The following CELSR1 variants were observed in gnomAD, a reference collection of about 807,000 sequenced individuals.
CELSR1 encodes the protein adhesion G protein-coupled receptor C1.
A neutral mutation model predicts 249.1 loss-of-function variants in CELSR1; 110 were observed. That is an observed-to-expected ratio of 0.44 (90% CI 0.38 to 0.52). CELSR1 has a LOEUF of 0.52. Among genes scored for constraint, CELSR1 ranks in the 20% least tolerant of loss-of-function variants. The probability of loss-of-function intolerance (pLI) is 0.00; values close to 1 mark genes in which losing one functional copy is unlikely to be tolerated. For synonymous variants in CELSR1, 2,113 were observed against 1,900.0 expected (o/e 1.11, Z -2.92); for missense variants, 4,109 against 4,296.4 (o/e 0.96, Z 1.22).
At chr22:46,435,284 T>G (rs1184024140) in intron 4 of CELSR1, among the ~76,000 whole-genome samples, 1 of 144,610 alleles carries the variant, frequency 6.9e-6, no homozygotes. Flanking sequence ...AAAAAATTTT[T>G]TTTTTTTTTT....
chr22:46,369,895 G>A lies in CELSR1; in HGVS notation c.7760-91C>T, dbSNP rs766826118. On this transcript the variant is annotated intron_variant, in intron 25 of 34. Coordinates refer to ENST00000674500, the MANE Select transcript of CELSR1 (RefSeq NM_001378328.1). ...ACCAGCCAGGGTGGGGTGAAATGGGGGACTCAGCATCTCCCTTCTCAGAGG... is the reference window on the plus strand; with the variant it reads ...ACCAGCCAGGGTGGGGTGAAATGGGAGACTCAGCATCTCCCTTCTCAGAGG... 19 of 1,063,620 alleles carry A rather than the reference G, an allele frequency of 1.8e-5. No homozygotes were observed. The African/African-American group carries it at 2.6e-4, about 15-fold the overall frequency. 65.9% of individuals were successfully genotyped at this position (1,063,620 alleles called of 1,614,324 possible). A position where few individuals can be genotyped will look rare whatever the true frequency, so the allele number is the denominator to read the frequency against.
At chr22:46,384,482 C>T in intron 20 of CELSR1, 61 bp downstream of exon 20, 2 of 1,517,086 alleles carry the variant, frequency 1.3e-6, no homozygotes, top group Non-Finnish European at 8.9e-7. Flanking sequence ...CGCAGCGGGG[C>T]CCTCCCCTCC....
In CELSR1 at chr22:46,436,350, G is replaced by T; in HGVS notation, c.4407-61C>A. 1 of 1,305,332 alleles carries T rather than the reference G, an allele frequency of 7.7e-7. No individual in the cohort carries two copies. Among genetic ancestry groups the T allele is most frequent in the Non-Finnish European group, 1.1e-6 (1 of 907,988 alleles). The allele number at this position is 1,305,332 out of a possible 1,614,324, so 80.9% of individuals were successfully genotyped here. On this transcript the variant is annotated intron_variant, in intron 3 of 34. Coordinates refer to ENST00000674500, the MANE Select transcript of CELSR1 (RefSeq NM_001378328.1). The surrounding 1 kb of genome is among the most constrained non-coding windows in gnomAD (Gnocchi z 5.9). The stretch of plus-strand genomic sequence containing the variant: ...GACCCCAGGGTCCAAAGGCTGCCTA[G>T]GAATGACAAGTCCAGCCGGAGGAGG...
intron 3 of CELSR1, 152 bp downstream of exon 3, chr22:46,439,037 C>A: frequency 1.4e-6 from 1 of 739,504 alleles, no homozygotes; most frequent in Non-Finnish European, 2.2e-6. Context: ...GGATTACAGG[C>A]GTGAGCCACC....
At chr22:46,383,708 T>C (rs1348021818) in intron 20 of CELSR1, among the ~76,000 whole-genome samples, 1 of 151,964 alleles carries the variant, frequency 6.6e-6, no homozygotes. Flanking sequence ...AAAAAACTTC[T>C]TTAGTAGAGA....
Position 46,396,433 on chromosome 22 carries a change from TA to T in CELSR1, c.5843+171del, listed in dbSNP as rs572188312. 1.3e-5 allele frequency among the ~76,000 whole-genome samples: 2 copies of T among 151,560 alleles called. No individual in the cohort carries two copies. The highest frequency in any genetic ancestry group is 1.3e-4 in the Admixed American group (2 of 15,240). Reference sequence around the variant, plus strand: ...AAAAAAATAAAAATAAAATAAAAATTAAAAAAAATTTGATTTTCACTTAATT... The same window carrying T: ...AAAAAAATAAAAATAAAATAAAAATTAAAAAAATTTGATTTTCACTTAATT... On this transcript the variant is annotated intron_variant, in intron 13 of 34. Coordinates refer to ENST00000674500, the MANE Select transcript of CELSR1 (RefSeq NM_001378328.1). This position sits in a 1 kb window ranked among gnomAD's most constrained non-coding sequence, Gnocchi z 6.4.
Position 46,398,714 on chromosome 22 carries a change from A to C in CELSR1, c.5413-77T>G. The C allele has an allele frequency of 8.6e-7, 1 of 1,160,852 alleles. No individual in the cohort carries two copies. The highest frequency in any genetic ancestry group is 1.2e-6 in the Non-Finnish European group (1 of 807,486). The allele number at this position is 1,160,852 out of a possible 1,614,324, so 71.9% of individuals were successfully genotyped here. A position where few individuals can be genotyped will look rare whatever the true frequency, so the allele number is the denominator to read the frequency against. ...AACGTCTCTCAGATGGGAAGGATAC[A>C]CTGGAAGTCTAAACAGTCACTTCAA... On this transcript the variant is annotated intron_variant, in intron 10 of 34. Transcript: ENST00000674500. The surrounding 1 kb of genome is among the most constrained non-coding windows in gnomAD (Gnocchi z 7.2).
chr22:46,514,675 G>A (rs2080608254), intron 1 of CELSR1, among the ~76,000 whole-genome samples: 1 of 152,192 alleles, frequency 6.6e-6, no homozygotes, highest in Non-Finnish European at 1.5e-5. Flanking sequence ...AAAGAGAAGA[G>A]TCACTCCCCG....
In CELSR1 at chr22:46,534,977, G is replaced by C. The variant is rs763662565; in HGVS notation, c.2194C>G (p.Arg732Gly). The change falls in exon 1 of 35, where the codon CGC becomes GGC. Residue 732 changes from arginine (R) to glycine (G), a missense_variant. Physicochemically the swap from Arg to Gly is moderately radical, Grantham distance 125. Transcript: ENST00000674500. This position sits in a 1 kb window ranked among gnomAD's most constrained non-coding sequence, Gnocchi z 9.7. ...CCTCTCTGGCTGCTGAGTGCAAAGC[G>C]GTTCCGGGTGTTGCCGCCTGTGAGC... ...YQLTGGNTRN[R>G]FALSSQRGGG... 6.2e-7 allele frequency: 1 copy of C among 1,611,976 alleles called. No individual in the cohort carries two copies. Among genetic ancestry groups the C allele is most frequent in the East Asian group, 2.2e-5 (1 of 44,846 alleles).
At chr22:46,382,911 G>A (rs938620841) in intron 20 of CELSR1, among the ~76,000 whole-genome samples, 7 of 152,184 alleles carry the variant, frequency 4.6e-5, no homozygotes, top group African/African-American at 1.7e-4. Context: ...GTGTTTCGTG[G>A]GCTAGAGTTT....
In CELSR1 at chr22:46,464,438, G is replaced by A; in HGVS notation, c.3545-93C>T. ...CCAGGAGCAGCCTCAGGCATGCTTG[G>A]CAAAGGAGAAGAGAGCCTGGGCATC... On this transcript the variant is annotated intron_variant, in intron 1 of 34. Coordinates refer to ENST00000674500, the MANE Select transcript of CELSR1 (RefSeq NM_001378328.1). The surrounding 1 kb of genome is among the most constrained non-coding windows in gnomAD (Gnocchi z 8.5). 4 of 1,384,734 alleles carry A rather than the reference G, an allele frequency of 2.9e-6. No individual in the cohort carries two copies. Among genetic ancestry groups the A allele is most frequent in the South Asian group, 1.4e-5 (1 of 73,756 alleles). 85.8% of individuals were successfully genotyped at this position (1,384,734 alleles called of 1,614,324 possible).
In CELSR1 at chr22:46,474,788, CTTTTT is replaced by C. The variant is rs55932520; in HGVS notation, c.3545-10448_3545-10444del. Among the ~76,000 whole-genome samples, 6 of 89,624 alleles carry C rather than the reference CTTTTT, an allele frequency of 6.7e-5. 1 individual carries two copies. The highest frequency in any genetic ancestry group is 8.1e-4 in the East Asian group (2 of 2,466). 58.8% of individuals were successfully genotyped at this position (89,624 alleles called of 152,430 possible). A position where few individuals can be genotyped will look rare whatever the true frequency, so the allele number is the denominator to read the frequency against. On this transcript the variant is annotated intron_variant, in intron 1 of 34. Coordinates refer to ENST00000674500, the MANE Select transcript of CELSR1 (RefSeq NM_001378328.1). ...GTGACCATTATTCTACTCTCTACTT[CTTTTT>C]TTTTTTTTTTTTTGAGACGGAGTCT...
chr22:46,392,199 T>C (rs996796044), intron 14 of CELSR1, among the ~76,000 whole-genome samples: 1 of 152,200 alleles, frequency 6.6e-6, no homozygotes, highest in East Asian at 1.9e-4. Flanking sequence ...ACGTCCACCA[T>C]TGGGTGGGTC....
intron 22 of CELSR1, among the ~76,000 whole-genome samples, chr22:46,379,447 G>A (rs1173315515): frequency 2.0e-5 from 3 of 152,220 alleles, no homozygotes; most frequent in Non-Finnish European, 1.5e-5. Flanking sequence ...GGAATAATAA[G>A]TGCAACATAA....
At chr22:46,439,047 C>A (rs563160793) in intron 3 of CELSR1, 142 bp downstream of exon 3, 133 of 812,358 alleles carry the variant, frequency 1.6e-4, no homozygotes, top group Non-Finnish European at 2.3e-4. Context: ...CGTGAGCCAC[C>A]GCGCCTGGCC....
chr22:46,416,005 C>T (rs6008812), intron 5 of CELSR1, among the ~76,000 whole-genome samples: 2,173 of 151,562 alleles, frequency 0.014, 57 homozygotes, highest in African/African-American at 0.05. Flanking sequence ...TAACAGCTCC[C>T]GACTGTGGGG....
chr22:46,510,698 C>T (rs569482125), intron 1 of CELSR1, among the ~76,000 whole-genome samples: 2 of 152,220 alleles, frequency 1.3e-5, no homozygotes, highest in African/African-American at 2.4e-5. Context: ...CTCCTTTATG[C>T]CTTTTGGTAC....
chr22:46,380,820 C>A lies in CELSR1; in HGVS notation c.7224G>T (p.Lys2408Asn), dbSNP rs150739858. The change falls in exon 22 of 35, where the codon AAG (lysine) becomes AAT (asparagine). Residue 2408 changes from lysine to asparagine, a missense_variant. By Grantham distance (94) the Lys-to-Asn change is moderately conservative. This residue lies in a region of CELSR1 where 1,805 missense variants were observed against 1,831.6 expected (regional missense o/e 0.99). Transcript: ENST00000674500. This position sits in a 1 kb window ranked among gnomAD's most constrained non-coding sequence, Gnocchi z 5.1. Reference protein sequence around the residue: ...FALLEVEERTKPVCVFWNHSL... With the variant: ...FALLEVEERTNPVCVFWNHSL... Reference sequence around the variant, plus strand: ...AGTGGTTCCAGAACACGCAGACAGGCTTGGTTCGCTCCTCCACCTCCAGCA... The same window carrying A: ...AGTGGTTCCAGAACACGCAGACAGGATTGGTTCGCTCCTCCACCTCCAGCA... The A allele has an allele frequency of 5.8e-5, 94 of 1,612,086 alleles. No homozygotes were observed. The highest frequency in any genetic ancestry group is 7.7e-5 in the Non-Finnish European group (91 of 1,179,816).
intron 1 of CELSR1, among the ~76,000 whole-genome samples, chr22:46,493,561 AAG>A (rs2080387762): frequency 6.6e-6 from 1 of 151,854 alleles, no homozygotes; most frequent in African/African-American, 2.4e-5. Flanking sequence ...AAAAAAAAAA[AAG>A]ATTAAAATTT....
Sources: allele counts gnomAD v4.1 joint callset (sites outside exome capture counted in the v4.1 genomes callset), GRCh38; gene constraint gnomAD v4.1.1; regional missense constraint gnomAD v4.1.1; non-coding constraint Gnocchi (gnomAD v3.1); transcripts MANE v1.5; gene names NCBI Gene and HGNC (gene_info 2026-07-23, HGNC 2026-07-21).